ZPBP: variants seen among roughly 807,000 people sequenced by gnomAD.
ZPBP encodes the protein zona pellucida-binding protein 1.
In ZPBP, 26 loss-of-function variants were observed where a neutral mutation model predicts 44.8. The observed-to-expected ratio is 0.58, with a 90% confidence interval of 0.43 to 0.81. The LOEUF is 0.81. Ranked by LOEUF, ZPBP falls within the 30% of genes least tolerant of loss-of-function variation. ZPBP has a pLI of 0.00. For synonymous variants in ZPBP, 174 were observed against 153.2 expected (o/e 1.14, Z -1.00); for missense variants, 409 against 434.0 (o/e 0.94, Z 0.51).
At chr7:49,927,085 T>C (rs1040296290) in intron 1 of ZPBP, among the ~76,000 whole-genome samples, 1 of 152,204 alleles carries the variant, frequency 6.6e-6, no homozygotes, top group Non-Finnish European at 1.5e-5. Flanking sequence ...TCTGTGCTAT[T>C]ACCAACCCCG....
Position 49,937,496 on chromosome 7 carries a change from T to C in ZPBP, c.*32A>G. 1 of 1,497,136 alleles carries C rather than the reference T, an allele frequency of 6.7e-7. No homozygotes were observed. Among genetic ancestry groups the C allele is most frequent in the Non-Finnish European group, 9.3e-7 (1 of 1,073,748 alleles). The allele number at this position is 1,497,136 out of a possible 1,614,324, so 92.7% of individuals were successfully genotyped here. ...ATATTTCAAATATATACTTTGCATT[T>C]AATAAACCACTGAATAACTGAAGAT... On this transcript the variant is annotated 3_prime_UTR_variant, in exon 8 of 8. Transcript: ENST00000046087.
intron 4 of ZPBP, among the ~76,000 whole-genome samples, chr7:50,038,965 A>T (rs1799947416): frequency 6.6e-6 from 1 of 152,186 alleles, no homozygotes; most frequent in Non-Finnish European, 1.5e-5. Context: ...CTAATGACAC[A>T]TTTCTCAGAA....
chr7:50,054,324 T>C (rs1332653801), intron 4 of ZPBP, among the ~76,000 whole-genome samples: 1 of 152,118 alleles, frequency 6.6e-6, no homozygotes, highest in Non-Finnish European at 1.5e-5. Context: ...TAGAAATTAC[T>C]TAAAGCATGC....
At position 50,047,662 on chromosome 7, in the gene ZPBP, C is replaced by CAA. The variant is rs60779181; in HGVS notation, c.487+10325_487+10326dup. Among the ~76,000 whole-genome samples the CAA allele has an allele frequency of 6.9e-4, 90 of 129,756 alleles. 2 individuals are homozygous for CAA. Among genetic ancestry groups the CAA allele is most frequent in the African/African-American group, 2.3e-3 (83 of 35,634 alleles). 85.1% of individuals were successfully genotyped at this position (129,756 alleles called of 152,430 possible). A position where few individuals can be genotyped will look rare whatever the true frequency, so the allele number is the denominator to read the frequency against. On this transcript the variant is annotated intron_variant, in intron 4 of 7. Coordinates refer to ENST00000046087, the MANE Select transcript of ZPBP (RefSeq NM_007009.3). ...CATAGAAGCTAAAAAACCCAAATGGCAAAAAAAAAAAAAAAAACCCAAATG... is the reference window on the plus strand; with the variant it reads ...CATAGAAGCTAAAAAACCCAAATGGCAAAAAAAAAAAAAAAAAAACCCAAATG...
rs147323639 is a variant in ZPBP, at chr7:49,987,397, G to T, written c.784-3878C>A. 2.6e-4 allele frequency among the ~76,000 whole-genome samples: 39 copies of T among 152,218 alleles called. No individual in the cohort carries two copies. In the East Asian group the frequency reaches 7.5e-3, roughly 29 times the overall value. ...TTTTGCCTTGCCTATCTTAATGGGTGCATGAGAGGCCCCAAGATGATTTCT... is the reference window on the plus strand; with the variant it reads ...TTTTGCCTTGCCTATCTTAATGGGTTCATGAGAGGCCCCAAGATGATTTCT... On this transcript the variant is annotated intron_variant, in intron 6 of 7. Transcript: ENST00000046087.
At chr7:49,844,976 C>A in the ZPBP span, among the ~76,000 whole-genome samples, 1 of 152,220 alleles carries the variant, frequency 6.6e-6, no homozygotes, top group East Asian at 1.9e-4. Context: ...AGCCACCGCA[C>A]CCGGCCGGCA....
intron 2 of ZPBP, among the ~76,000 whole-genome samples, chr7:49,887,837 T>C (rs530307814): frequency 2.6e-5 from 4 of 152,224 alleles, no homozygotes; most frequent in Non-Finnish European, 4.4e-5. Flanking sequence ...GAAATATCTA[T>C]TCACAAATGT....
chr7:49,937,750 C>A (rs1445890181), intron 7 of ZPBP, 128 bp from the exon 8 acceptor site: 2 of 748,704 alleles, frequency 2.7e-6, no homozygotes, highest in South Asian at 1.7e-5. Flanking sequence ...TGCAACAAAT[C>A]TGCAGAACTT....
At chr7:49,969,487 C>A (rs1339412494) in intron 7 of ZPBP, among the ~76,000 whole-genome samples, 2 of 135,960 alleles carry the variant, frequency 1.5e-5, no homozygotes, top group African/African-American at 2.8e-5. Flanking sequence ...AAACCTATCT[C>A]AGATAACTTC....
intron 1 of ZPBP, chr7:49,919,961 C>A (rs2128746582): frequency 6.6e-6 from 1 of 152,218 alleles, no homozygotes; most frequent in Admixed American, 6.5e-5. Context: ...TTACAAATAA[C>A]ACTGAAGTGA....
At chr7:49,915,867 GC>G (rs1793695188) in intron 1 of ZPBP, 1 of 152,062 alleles carries the variant, frequency 6.6e-6, no homozygotes, top group Non-Finnish European at 1.5e-5. Flanking sequence ...AAACATACAT[GC>G]TTCTTTGGCC....
chr7:50,010,341 T>C (rs1483813122), intron 6 of ZPBP, among the ~76,000 whole-genome samples: 1 of 151,926 alleles, frequency 6.6e-6, no homozygotes, highest in South Asian at 2.1e-4. Flanking sequence ...TGTATTTTAA[T>C]GAAGATACAA....
chr7:49,947,908 A>G (rs559188610), intron 7 of ZPBP, among the ~76,000 whole-genome samples: 1 of 152,302 alleles, frequency 6.6e-6, no homozygotes, highest in Non-Finnish European at 1.5e-5. Context: ...CCAAAGCTTC[A>G]AGACAAAGTC....
chr7:49,952,258 T>C (rs914811363), intron 7 of ZPBP, among the ~76,000 whole-genome samples: 15 of 151,988 alleles, frequency 9.9e-5, no homozygotes. Context: ...AGAGCTTCGT[T>C]TGATCTGTGG....
chr7:49,899,575 G>A (rs374960506), intron 2 of ZPBP, among the ~76,000 whole-genome samples: 5 of 151,958 alleles, frequency 3.3e-5, no homozygotes, highest in African/African-American at 1.2e-4. Context: ...TTATCAGCCA[G>A]AGGGAGGTAT....
intron 7 of ZPBP, among the ~76,000 whole-genome samples, chr7:49,955,332 G>A (rs1795533643): frequency 6.6e-6 from 1 of 152,108 alleles, no homozygotes; most frequent in Admixed American, 6.5e-5. Flanking sequence ...GCCAAAGTGG[G>A]CGGATCACAA....
chr7:50,045,948 T>C (rs904172046), intron 4 of ZPBP, among the ~76,000 whole-genome samples: 4 of 150,698 alleles, frequency 2.7e-5, no homozygotes, highest in Non-Finnish European at 4.4e-5. Context: ...CCAAAACAGA[T>C]ATGTAGACCA....
chr7:49,959,557 G>T lies in ZPBP; in HGVS notation c.962-21935C>A, dbSNP rs116479346. ...TCTTATGAATAAATCTAAGAGATTTGCTAGAAATCTGAAATGAAAACTACA... is the reference window on the plus strand; with the variant it reads ...TCTTATGAATAAATCTAAGAGATTTTCTAGAAATCTGAAATGAAAACTACA... On this transcript the variant is annotated intron_variant, in intron 7 of 7. Transcript: ENST00000046087. Among the ~76,000 whole-genome samples the T allele has an allele frequency of 7.6e-3, 1,150 of 152,146 alleles. 24 individuals carry two copies. Among genetic ancestry groups the T allele is most frequent in the African/African-American group, 0.026 (1,090 of 41,538 alleles).
At chr7:49,927,499 G>C in intron 1 of ZPBP, among the ~76,000 whole-genome samples, 1 of 152,080 alleles carries the variant, frequency 6.6e-6, no homozygotes, top group East Asian at 1.9e-4. Context: ...CCATATATTA[G>C]AGTCATATTG....
Sources: allele counts gnomAD v4.1 joint callset (sites outside exome capture counted in the v4.1 genomes callset), GRCh38; gene constraint gnomAD v4.1.1; transcripts MANE v1.5; gene names NCBI Gene and HGNC (gene_info 2026-07-23, HGNC 2026-07-21).